TRNT1: variants seen among roughly 807,000 people sequenced by gnomAD.
TRNT1 encodes the protein CCA tRNA nucleotidyltransferase 1, mitochondrial.
In TRNT1, 44 loss-of-function variants were observed where a neutral mutation model predicts 45.6. The ratio of observed to expected loss-of-function variants is 0.97; its 90% CI spans 0.76 to 1.24. The LOEUF is 1.24. TRNT1 is among the 50% of genes most tolerant of loss of function. The probability of loss-of-function intolerance (pLI) is 0.00; values close to 1 mark genes in which losing one functional copy is unlikely to be tolerated. For synonymous variants in TRNT1, 201 were observed against 171.4 expected (o/e 1.17, Z -1.35); for missense variants, 633 against 504.4 (o/e 1.25, Z -2.44).
In TRNT1 at chr3:3,137,455, T is replaced by C. The variant is rs1705397958; in HGVS notation, c.342+2T>C. ...AAGCACGGAACAATTACTGCCAGGG[T>C]GAGTCAAAAGTTTGACAGGTAATTA... On this transcript the variant is annotated splice_donor_variant, in intron 3 of 7. Transcript: ENST00000251607. LOFTEE classifies it high-confidence loss of function. 1 of 1,594,084 alleles carries C rather than the reference T, an allele frequency of 6.3e-7. No individual in the cohort carries two copies. The highest frequency in any genetic ancestry group is 8.5e-7 in the Non-Finnish European group (1 of 1,172,690).
intron 4 of TRNT1, among the ~76,000 whole-genome samples, chr3:3,140,926 T>TA (rs920719615): frequency 5.9e-5 from 9 of 152,028 alleles, no homozygotes; most frequent in Non-Finnish European, 5.9e-5. Context: ...ACTAAAAATA[T>TA]AAAAAATTAG....
At chr3:3,142,290 T>C (rs1705699539) in intron 4 of TRNT1, among the ~76,000 whole-genome samples, 2 of 152,198 alleles carry the variant, frequency 1.3e-5, no homozygotes, top group African/African-American at 4.8e-5. Flanking sequence ...TTTCTGACAT[T>C]TACTGAACCC....
intron 4 of TRNT1, among the ~76,000 whole-genome samples, chr3:3,141,767 T>C (rs1421083521): frequency 6.6e-6 from 1 of 152,180 alleles, no homozygotes; most frequent in Admixed American, 6.5e-5. Flanking sequence ...AAGGATGAAG[T>C]AATAGGATTT....
downstream of TRNT1, chr3:3,151,062 A>AGAT (rs1488648678): frequency 5.6e-6 from 9 of 1,613,280 alleles, no homozygotes; most frequent in Non-Finnish European, 7.6e-6. Context: ...AATTAAGGAA[A>AGAT]GATATCAGCT....
At chr3:3,130,236 A>C (rs1167349980) in intron 2 of TRNT1, 5 of 399,982 alleles carry the variant, frequency 1.3e-5, no homozygotes, top group African/African-American at 2.1e-5. Flanking sequence ...CTTTTAAAGC[A>C]CACATGCTCG....
downstream of TRNT1, chr3:3,150,817 T>G (rs1401417059): frequency 1.3e-6 from 2 of 1,567,728 alleles, no homozygotes; most frequent in Admixed American, 3.5e-5. Flanking sequence ...AAAGCAGATC[T>G]TAGAATATAA....
chr3:3,150,645 G>A (rs967269260), downstream of TRNT1: 2 of 482,854 alleles, frequency 4.1e-6, no homozygotes, highest in South Asian at 4.3e-5. Flanking sequence ...CCAAGTAGAT[G>A]TTTCTGGTAT....
chr3:3,147,651 A>C lies in TRNT1; in HGVS notation c.1004A>C (p.Lys335Thr). ...FIVKNRKDLI[K>T]ATDSSDPLKP... ...GTTAAAAATAGGAAAGATTTAATTA[A>C]AGCAACAGATAGTTCAGACCCATTG... Residue 335 changes from lysine to threonine, a missense_variant, in exon 7 of 8, where the codon AAA (lysine) becomes ACA (threonine). Lys to Thr is a moderately conservative substitution (Grantham distance 78). Coordinates refer to ENST00000251607, the MANE Select transcript of TRNT1 (RefSeq NM_182916.3). The C allele has an allele frequency of 6.2e-7, 1 of 1,613,808 alleles. No individual in the cohort carries two copies. Among genetic ancestry groups the C allele is most frequent in the Non-Finnish European group, 8.5e-7 (1 of 1,179,742 alleles).
At chr3:3,140,804 C>T (rs1429974042) in intron 4 of TRNT1, 156 bp downstream of exon 4, 23 of 905,984 alleles carry the variant, frequency 2.5e-5, no homozygotes, top group Middle Eastern at 3.6e-4. Context: ...GTCCCTCAGC[C>T]GGGCACGGTG....
rs1404338838 is a variant in TRNT1 at position 3,148,528 on chromosome 3, T to TAAC, written c.*376_*378dup. 6.4e-6 allele frequency: 1 copy of TAAC among 157,256 alleles called. No homozygotes were observed. The highest frequency in any genetic ancestry group is 2.4e-5 in the African/African-American group (1 of 41,536). 9.7% of individuals were successfully genotyped at this position (157,256 alleles called of 1,614,324 possible). A position where few individuals can be genotyped will look rare whatever the true frequency, so the allele number is the denominator to read the frequency against. On this transcript the variant is annotated 3_prime_UTR_variant, in exon 8 of 8. Coordinates refer to ENST00000251607, the MANE Select transcript of TRNT1 (RefSeq NM_182916.3). ...GTTTATTGTTTGTTTGCAATTGAAATAACAGGGTTACCTTAACAATGACTG... is the reference window on the plus strand; with the variant it reads ...GTTTATTGTTTGTTTGCAATTGAAATAACAACAGGGTTACCTTAACAATGACTG...
intron 3 of TRNT1, among the ~76,000 whole-genome samples, chr3:3,139,903 A>G (rs1025924298): frequency 6.6e-6 from 1 of 151,732 alleles, no homozygotes; most frequent in African/African-American, 2.4e-5. Flanking sequence ...GTTTTTTTGT[A>G]TGTTTGGTAG....
chr3:3,148,009 C>T lies in TRNT1; in HGVS notation c.1160C>T (p.Pro387Leu), dbSNP rs1706178232. The T allele has an allele frequency of 2.5e-6, 4 of 1,613,918 alleles. No homozygotes were observed. The East Asian group carries it at 6.7e-5, about 27-fold the overall frequency. Residue 387 changes from proline to leucine, a missense_variant, in exon 8 of 8, where the codon CCT (proline) becomes CTT (leucine). Transcript: ENST00000251607. Reference protein sequence around the residue: ...EMQQWSIPPFPVSGHDIRKVG... With the variant: ...EMQQWSIPPFLVSGHDIRKVG... ...CAGCAGTGGTCCATTCCTCCATTTC[C>T]TGTAAGTGGCCATGACATCAGAAAA...
intron 2 of TRNT1, among the ~76,000 whole-genome samples, chr3:3,137,002 T>G (rs1053156029): frequency 6.6e-6 from 1 of 152,232 alleles, no homozygotes; most frequent in African/African-American, 2.4e-5. Context: ...TTTGAGGCAT[T>G]GTGGAATTCT....
At chr3:3,145,789 A>C (rs1559229048) in intron 5 of TRNT1, among the ~76,000 whole-genome samples, 1 of 152,102 alleles carries the variant, frequency 6.6e-6, no homozygotes, top group Non-Finnish European at 1.5e-5. Flanking sequence ...ACTTAGCTGT[A>C]TTTGTATCAC....
At chr3:3,145,299 T>TG (rs1553555152) in intron 5 of TRNT1, 6 of 152,062 alleles carry the variant, frequency 3.9e-5, no homozygotes, top group Non-Finnish European at 7.3e-5. Flanking sequence ...GGTCAGGAGA[T>TG]GAGACCATGC....
chr3:3,129,391 A>T, intron 2 of TRNT1: 2 of 527,918 alleles, frequency 3.8e-6, no homozygotes, highest in Non-Finnish European at 6.7e-6. Flanking sequence ...AAATGCTGGG[A>T]TTACAGGTGT....
intron 2 of TRNT1, 158 bp downstream of exon 2, chr3:3,129,346 T>C: frequency 1.5e-6 from 1 of 664,744 alleles, no homozygotes; most frequent in Non-Finnish European, 2.4e-6. Context: ...CCCAGGCTGG[T>C]CTCAAAACTC....
chr3:3,150,766 T>C (rs1706474161), downstream of TRNT1: 2 of 1,135,278 alleles, frequency 1.8e-6, no homozygotes, highest in Non-Finnish European at 2.6e-6. Context: ...TAGGTATTAA[T>C]GTTATGTTTA....
At chr3:3,144,912 A>T in intron 5 of TRNT1, 1 of 323,016 alleles carries the variant, frequency 3.1e-6, no homozygotes, top group Non-Finnish European at 5.3e-6. Context: ...CAGAACGCAC[A>T]TATACTTTAT....
Sources: allele counts gnomAD v4.1 joint callset (sites outside exome capture counted in the v4.1 genomes callset), GRCh38; gene constraint gnomAD v4.1.1; transcripts MANE v1.5; gene names NCBI Gene and HGNC (gene_info 2026-07-23, HGNC 2026-07-21).